HSDL2: variants seen among roughly 807,000 people sequenced by gnomAD.
HSDL2 encodes the protein hydroxysteroid dehydrogenase-like protein 2.
Under a neutral mutation model 46.3 loss-of-function variants are expected in HSDL2, and 27 were observed. The observed-to-expected ratio is 0.58, with a 90% CI of 0.43 to 0.80. The LOEUF is 0.80. HSDL2 is among the 30% of genes least tolerant of loss of function. The pLI, the probability that HSDL2 is intolerant of heterozygous loss-of-function variation, is 0.00. For missense variants in HSDL2, 451 were observed against 502.7 expected (o/e 0.90, Z 0.98); for synonymous variants, 153 against 163.6 (o/e 0.94, Z 0.50).
chr9:112,385,550 C>T (rs536185878), intron 1 of HSDL2, among the ~76,000 whole-genome samples: 147 of 148,434 alleles, frequency 9.9e-4, no homozygotes, highest in African/African-American at 3.1e-3. Context: ...AGTGCAGTGG[C>T]GCGATCTCAG....
rs1270892049 is a variant in HSDL2 at position 112,426,844 on chromosome 9, T to C, written c.598+7886T>C. On this transcript the variant is annotated intron_variant, in intron 6 of 10. Transcript: ENST00000398805. ...ATAAATAACCTCTAAAGCCCTTTGT[T>C]GCATATTTTTCAAACTTTTAATTAT... Among the ~76,000 whole-genome samples, 3 of 152,182 alleles carry C rather than the reference T, an allele frequency of 2.0e-5. No homozygotes were observed. In the East Asian group the frequency reaches 5.8e-4, roughly 29 times the overall value.
chr9:112,417,477 TA>T (rs71491043), intron 5 of HSDL2, among the ~76,000 whole-genome samples: 56,701 of 110,950 alleles, frequency 0.51, 11,989 homozygotes, highest in South Asian at 0.55. Context: ...ACCCTGACTC[TA>T]AAAAAAAAAA....
intron 1 of HSDL2, among the ~76,000 whole-genome samples, chr9:112,391,342 A>G (rs1831340248): frequency 6.6e-6 from 1 of 151,906 alleles, no homozygotes; most frequent in Admixed American, 6.6e-5. Context: ...GCATGTTGGC[A>G]TGCACCCGTA....
chr9:112,427,028 TTATTA>T (rs1233091009), intron 6 of HSDL2, among the ~76,000 whole-genome samples: 7 of 152,082 alleles, frequency 4.6e-5, no homozygotes, highest in South Asian at 2.1e-4. Context: ...CACCAGATTA[TTATTA>T]TATTATTAAT....
chr9:112,407,628 G>A (rs1248242779), intron 3 of HSDL2, among the ~76,000 whole-genome samples: 2 of 152,158 alleles, frequency 1.3e-5, no homozygotes, highest in African/African-American at 4.8e-5. Context: ...TGTTGGCCAG[G>A]CTGGTCTCAA....
At chr9:112,459,358 A>G (rs1283812416) in intron 9 of HSDL2, 91 bp from the exon 10 acceptor site, 2 of 1,408,222 alleles carry the variant, frequency 1.4e-6, no homozygotes, top group African/African-American at 2.9e-5. Flanking sequence ...GGAAAACAGC[A>G]TTTTGTAAGA....
intron 3 of HSDL2, among the ~76,000 whole-genome samples, chr9:112,407,312 G>A (rs1180879517): frequency 6.6e-6 from 1 of 152,198 alleles, no homozygotes; most frequent in Non-Finnish European, 1.5e-5. Context: ...GTTAACTAGT[G>A]CCACTTAGGA....
intron 6 of HSDL2, among the ~76,000 whole-genome samples, chr9:112,425,920 G>T (rs2132654010): frequency 6.6e-6 from 1 of 152,036 alleles, no homozygotes; most frequent in East Asian, 1.9e-4. Context: ...GTGTATGTGT[G>T]TGTGGAGATG....
At chr9:112,436,960 C>CTTTTTTTTTTTTTTTTTTTTTTTT (rs780957603) in intron 6 of HSDL2, among the ~76,000 whole-genome samples, 2 of 126,782 alleles carry the variant, frequency 1.6e-5, no homozygotes, top group Non-Finnish European at 1.6e-5. Flanking sequence ...TTCTTTTTTT[C>CTTTTTTTTTTTTTTTTTTTTTTTT]TTTTTTTTTT....
Position 112,385,953 on chromosome 9 carries a change from T to A in HSDL2, c.17+5773T>A, listed in dbSNP as rs180717054. Among the ~76,000 whole-genome samples, 842 of 151,858 alleles carry A rather than the reference T, an allele frequency of 5.5e-3. 50 individuals carry two copies. The East Asian group carries it at 0.14, about 25-fold the overall frequency. ...TTTTTTTAATTTAATTTTTTTTTTT[T>A]AAATAGTAACATGGTCTTGCTATGT... is the stretch of plus-strand genomic sequence containing the variant. On this transcript the variant is annotated intron_variant, in intron 1 of 10. Coordinates refer to ENST00000398805, the MANE Select transcript of HSDL2 (RefSeq NM_032303.5).
chr9:112,429,644 T>C (rs1832339851), intron 6 of HSDL2, among the ~76,000 whole-genome samples: 1 of 152,210 alleles, frequency 6.6e-6, no homozygotes, highest in Non-Finnish European at 1.5e-5. Context: ...ATGGAACTTA[T>C]AGTCTAATTG....
intron 10 of HSDL2, among the ~76,000 whole-genome samples, chr9:112,469,113 C>G (rs547586463): frequency 3.9e-5 from 6 of 152,266 alleles, no homozygotes; most frequent in African/African-American, 1.4e-4. Flanking sequence ...TAAAGTAGGA[C>G]ACAGCTCAGT....
At chr9:112,442,485 A>G (rs1448922142) in intron 8 of HSDL2, among the ~76,000 whole-genome samples, 1 of 152,166 alleles carries the variant, frequency 6.6e-6, no homozygotes, top group Non-Finnish European at 1.5e-5. Context: ...TGACTATTTT[A>G]TGAAAGAAAT....
chr9:112,403,524 T>G (rs1456877861), intron 1 of HSDL2, among the ~76,000 whole-genome samples: 1 of 152,246 alleles, frequency 6.6e-6, no homozygotes, highest in African/African-American at 2.4e-5. Flanking sequence ...TTATGAGCAT[T>G]CATTGAACAA....
rs193169711 is a variant in HSDL2, at chr9:112,455,190, A to G, written c.1015+1028A>G. 1.7e-4 allele frequency among the ~76,000 whole-genome samples: 26 copies of G among 152,118 alleles called. No individual in the cohort carries two copies. In the East Asian group the frequency reaches 5.0e-3, roughly 29 times the overall value. On this transcript the variant is annotated intron_variant, in intron 9 of 10. Transcript: ENST00000398805. ...CAAGACTGTAGTACACTGCGATCGC[A>G]TCTGTGAATAACCACTGCACTCCAG...
chr9:112,387,349 A>G (rs1831239108), intron 1 of HSDL2, among the ~76,000 whole-genome samples: 1 of 151,768 alleles, frequency 6.6e-6, no homozygotes, highest in Admixed American at 6.6e-5. Flanking sequence ...CTTCCTGAGT[A>G]GCTGGGACTA....
rs779149783 is a variant in HSDL2 at position 112,470,511 on chromosome 9, G to A, written c.1224G>A (p.Glu408=). The change falls in exon 11 of 11, where the codon GAG becomes GAA. Residue 408 remains glutamate, a synonymous_variant. Coordinates refer to ENST00000398805, the MANE Select transcript of HSDL2 (RefSeq NM_032303.5). ...ACATGGCCCTAGCAATCAAATTGGA[G>A]AAGCTAATGAATCAGATGAATGCCA... ...KGNMALAIKL[E]KLMNQMNARL is the part of the protein sequence containing the mutation. The A allele has an allele frequency of 1.1e-5, 18 of 1,608,732 alleles. No individual in the cohort carries two copies. The highest frequency in any genetic ancestry group is 1.5e-5 in the Non-Finnish European group (18 of 1,176,106).
chr9:112,391,303 C>T (rs540307804), intron 1 of HSDL2, among the ~76,000 whole-genome samples: 2 of 150,936 alleles, frequency 1.3e-5, no homozygotes, highest in African/African-American at 4.9e-5. Context: ...CTGTCCCCCC[C>T]CAAAAAATAA....
chr9:112,418,984 G>T, intron 6 of HSDL2, 26 bp downstream of exon 6: 3 of 1,229,448 alleles, frequency 2.4e-6, no homozygotes, highest in Non-Finnish European at 3.6e-6. Flanking sequence ...AACTTCATTT[G>T]TTAGATTTTC....
Sources: gnomAD v4.1 joint callset for allele counts (sites outside exome capture counted in the v4.1 genomes callset) on GRCh38, gnomAD v4.1.1 for gene constraint, MANE v1.5 for transcripts, NCBI Gene and HGNC (gene_info 2026-07-23, HGNC 2026-07-21) for gene names.